The following RANGAP1 variants were observed in gnomAD, a reference collection of about 807,000 sequenced individuals.
RANGAP1 encodes ran GTPase-activating protein 1.
In RANGAP1, 38 loss-of-function variants were observed where a neutral mutation model predicts 63.5. The ratio of observed to expected loss-of-function variants is 0.60; its 90% CI spans 0.46 to 0.78. The LOEUF (loss-of-function observed/expected upper bound fraction) is 0.78. Ranked by LOEUF, RANGAP1 falls within the 30% of genes least tolerant of loss-of-function variation. The pLI, the probability that RANGAP1 is intolerant of heterozygous loss-of-function variation, is 0.00. For missense variants in RANGAP1, 630 were observed against 740.3 expected (o/e 0.85, Z 1.73); for synonymous variants, 329 against 310.5 (o/e 1.06, Z -0.63).
chr22:41,270,291 C>G (rs1355341373), intron 3 of RANGAP1, among the ~76,000 whole-genome samples: 1 of 152,096 alleles, frequency 6.6e-6, no homozygotes, highest in East Asian at 1.9e-4. Context: ...CAGGCACCCG[C>G]CACCGCGCCC....
intron 2 of RANGAP1, 192 bp downstream of exon 2, chr22:41,280,741 A>C (rs2035449025): frequency 6.6e-7 from 1 of 1,519,058 alleles, no homozygotes; most frequent in South Asian, 1.2e-5. Flanking sequence ...AAACATGGAA[A>C]GTGCAGGGGA....
At chr22:41,282,390 G>C (rs943570758) in intron 1 of RANGAP1, 1 of 152,214 alleles carries the variant, frequency 6.6e-6, no homozygotes, top group Non-Finnish European at 1.5e-5. Context: ...CGCCATCTGG[G>C]CTCACTGCAA....
chr22:41,288,085 A>C (rs2035794859), upstream of RANGAP1, among the ~76,000 whole-genome samples: 2 of 152,192 alleles, frequency 1.3e-5, no homozygotes, highest in Non-Finnish European at 2.9e-5. Flanking sequence ...AGTGGGCATC[A>C]TTACCACCCT....
At chr22:41,270,297 C>T (rs867731364) in intron 3 of RANGAP1, among the ~76,000 whole-genome samples, 15 of 151,994 alleles carry the variant, frequency 9.9e-5, no homozygotes, top group African/African-American at 3.4e-4. Flanking sequence ...CCCGCCACCG[C>T]GCCCAGCTAA....
intron 3 of RANGAP1, among the ~76,000 whole-genome samples, chr22:41,274,294 T>G (rs1446063359): frequency 6.6e-6 from 1 of 152,246 alleles, no homozygotes; most frequent in African/African-American, 2.4e-5. Flanking sequence ...GCTGGTTATT[T>G]CTGCAACCTT....
chr22:41,271,419 G>A lies in RANGAP1; in HGVS notation c.240+3181C>T, dbSNP rs112334182. On this transcript the variant is annotated intron_variant, in intron 3 of 15. Coordinates refer to ENST00000356244, the MANE Select transcript of RANGAP1 (RefSeq NM_002883.4). ...AACAAAAAAAAAAAACAAAAACGCC[G>A]GGTGCAGAGGCTCACGCCTGTAATC... Among the ~76,000 whole-genome samples, 290 of 147,164 alleles carry A rather than the reference G, an allele frequency of 2.0e-3. 1 individual carries two copies. Among genetic ancestry groups the A allele is most frequent in the Middle Eastern group, 0.019 (5 of 264 alleles).
chr22:41,253,198 G>A, intron 11 of RANGAP1: 1 of 488,926 alleles, frequency 2.0e-6, no homozygotes, highest in Non-Finnish European at 3.1e-6. Flanking sequence ...TGGTCCAGGA[G>A]CCTTTGGGGT....
At position 41,246,535 on chromosome 22, in the gene RANGAP1, C is replaced by A; in HGVS notation, c.*68G>T. On this transcript the variant is annotated 3_prime_UTR_variant, in exon 16 of 16. Coordinates refer to ENST00000356244, the MANE Select transcript of RANGAP1 (RefSeq NM_002883.4). ...CTGTCCAAGGCAATGGCGTAGGCTGCGCCTCAGTTCATCCGAGTCCCTCCC... is the reference window on the plus strand; with the variant it reads ...CTGTCCAAGGCAATGGCGTAGGCTGAGCCTCAGTTCATCCGAGTCCCTCCC... 6.9e-7 allele frequency: 1 copy of A among 1,448,278 alleles called. No homozygotes were observed. The highest frequency in any genetic ancestry group is 9.5e-7 in the Non-Finnish European group (1 of 1,055,348). The allele number at this position is 1,448,278 out of a possible 1,614,324, so 89.7% of individuals were successfully genotyped here.
Position 41,268,242 on chromosome 22 carries a change from C to T in RANGAP1, c.241-86G>A. ...CCTCATCCTGGTGGATTTGAACTAC[C>T]AGAGCATCACAAGACTTTTTTCTTT... On this transcript the variant is annotated intron_variant, in intron 3 of 15. Transcript: ENST00000356244. The T allele has an allele frequency of 1.3e-5, 15 of 1,116,556 alleles. No homozygotes were observed. The South Asian group carries it at 2.0e-4, about 15-fold the overall frequency. 69.2% of individuals were successfully genotyped at this position (1,116,556 alleles called of 1,614,324 possible).
intron 3 of RANGAP1, among the ~76,000 whole-genome samples, chr22:41,274,161 G>A (rs1004133781): frequency 6.6e-6 from 1 of 151,906 alleles, no homozygotes; most frequent in Non-Finnish European, 1.5e-5. Flanking sequence ...TCCTATTGCT[G>A]CGGCATTTGA....
At chr22:41,291,664 C>T in the RANGAP1 span, among the ~76,000 whole-genome samples, 10 of 150,556 alleles carry the variant, frequency 6.6e-5, no homozygotes, top group Non-Finnish European at 1.3e-4. Flanking sequence ...TTTGGGGGGC[C>T]GAGGCGGGTG....
chr22:41,289,178 C>T (rs1360637020), upstream of RANGAP1, among the ~76,000 whole-genome samples: 1 of 151,894 alleles, frequency 6.6e-6, no homozygotes, highest in African/African-American at 2.4e-5. Context: ...CTCGGCCTCC[C>T]AAAGTGCTGG....
intron 1 of RANGAP1, among the ~76,000 whole-genome samples, chr22:41,284,225 C>A (rs935338626): frequency 2.0e-5 from 3 of 151,610 alleles, no homozygotes; most frequent in African/African-American, 4.9e-5. Context: ...CCAGCCTGGG[C>A]AACAGAGCGA....
At chr22:41,277,453 T>A in intron 2 of RANGAP1, 1 of 1,194,876 alleles carries the variant, frequency 8.4e-7, no homozygotes, top group Non-Finnish European at 1.1e-6. Flanking sequence ...AATTGTATAA[T>A]CTGAACAAAA....
chr22:41,270,078 A>C (rs1200741130), intron 3 of RANGAP1, among the ~76,000 whole-genome samples: 1 of 151,866 alleles, frequency 6.6e-6, no homozygotes, highest in Non-Finnish European at 1.5e-5. Context: ...CAGGTGATCC[A>C]CCCACCTCAG....
intron 5 of RANGAP1, among the ~76,000 whole-genome samples, chr22:41,262,656 C>T (rs970361387): frequency 3.4e-5 from 5 of 146,114 alleles, no homozygotes; most frequent in Non-Finnish European, 7.4e-5. Context: ...TGGTGGATCA[C>T]GCACACACGA....
chr22:41,273,871 C>A (rs1452142864), intron 3 of RANGAP1, among the ~76,000 whole-genome samples: 1 of 149,162 alleles, frequency 6.7e-6, no homozygotes, highest in Non-Finnish European at 1.5e-5. Flanking sequence ...GTCAGGAATT[C>A]GAGACCATCC....
At chr22:41,291,631 G>C in the RANGAP1 span, among the ~76,000 whole-genome samples, 1 of 149,482 alleles carries the variant, frequency 6.7e-6, no homozygotes, top group Non-Finnish European at 1.5e-5. Context: ...GGGCGCAGTG[G>C]CTCACGCCTG....
At position 41,258,899 on chromosome 22, in the gene RANGAP1, GC is replaced by G. The variant is rs771248947; in HGVS notation, c.616-794del. ...TGAACTCCTGACCTCAGGCGATCCA[GC>G]TTCCTCGGCCTCTCAAAGTGCTGGG... On this transcript the variant is annotated intron_variant, in intron 6 of 15. Coordinates refer to ENST00000356244, the MANE Select transcript of RANGAP1 (RefSeq NM_002883.4). 3.9e-5 allele frequency among the ~76,000 whole-genome samples: 6 copies of G among 152,254 alleles called. No homozygotes were observed. The South Asian group carries it at 1.0e-3, about 26-fold the overall frequency.
Sources: gnomAD v4.1 joint callset for allele counts (sites outside exome capture counted in the v4.1 genomes callset) on GRCh38, gnomAD v4.1.1 for gene constraint, MANE v1.5 for transcripts, NCBI Gene and HGNC (gene_info 2026-07-23, HGNC 2026-07-21) for gene names.